The following FGF10 variants were observed in gnomAD, a reference collection of about 807,000 sequenced individuals.
FGF10 encodes fibroblast growth factor 10.
Under a neutral mutation model 19.8 loss-of-function variants are expected in FGF10, and 2 were observed. The observed-to-expected ratio is 0.10, with a 90% CI of 0.04 to 0.32. The LOEUF is 0.32. Ranked by LOEUF, FGF10 falls within the 10% of genes least tolerant of loss-of-function variation. The probability of loss-of-function intolerance (pLI) is 1.00; values close to 1 mark genes in which losing one functional copy is unlikely to be tolerated. For missense variants in FGF10, 191 were observed against 246.3 expected (o/e 0.78, Z 1.50); for synonymous variants, 112 against 94.0 (o/e 1.19, Z -1.10).
intron 1 of FGF10, among the ~76,000 whole-genome samples, chr5:44,359,468 G>A (rs1432640366): frequency 6.6e-6 from 1 of 151,470 alleles, no homozygotes; most frequent in Admixed American, 6.6e-5. Flanking sequence ...AGGAAAATGT[G>A]AATTAGATAA....
At chr5:44,371,784 C>G (rs1741747863) in intron 1 of FGF10, among the ~76,000 whole-genome samples, 1 of 152,070 alleles carries the variant, frequency 6.6e-6, no homozygotes, top group South Asian at 2.1e-4. Flanking sequence ...ATTTGAGGTT[C>G]CATTATAAGC....
intron 1 of FGF10, among the ~76,000 whole-genome samples, chr5:44,315,197 AC>A (rs1410800397): frequency 1.5e-4 from 22 of 142,182 alleles, no homozygotes; most frequent in East Asian, 6.3e-4. Flanking sequence ...AAAAAAAAAA[AC>A]CAGAAAGAAA....
At chr5:44,354,856 A>G (rs748206480) in intron 1 of FGF10, among the ~76,000 whole-genome samples, 4 of 151,518 alleles carry the variant, frequency 2.6e-5, no homozygotes, top group Non-Finnish European at 4.4e-5. Flanking sequence ...CAATTAGTGC[A>G]CAGTCCTGCC....
chr5:44,342,841 C>T (rs962689743), intron 1 of FGF10, among the ~76,000 whole-genome samples: 1 of 151,990 alleles, frequency 6.6e-6, no homozygotes, highest in African/African-American at 2.4e-5. Flanking sequence ...TAAGCCAATT[C>T]TAGCGGAGTA....
chr5:44,310,714 T>C (rs1284634901), intron 1 of FGF10, among the ~76,000 whole-genome samples, 184 bp from the exon 2 acceptor site: 1 of 152,128 alleles, frequency 6.6e-6, no homozygotes, highest in African/African-American at 2.4e-5. Flanking sequence ...CCGGCAAGTA[T>C]TTCCAGCAAA....
At chr5:44,354,742 C>T (rs190407390) in intron 1 of FGF10, among the ~76,000 whole-genome samples, 1 of 151,560 alleles carries the variant, frequency 6.6e-6, no homozygotes, top group African/African-American at 2.4e-5. Flanking sequence ...AGTTTTAATA[C>T]TAAATTTGTG....
chr5:44,335,843 A>G (rs1317208421), intron 1 of FGF10, among the ~76,000 whole-genome samples: 1 of 152,116 alleles, frequency 6.6e-6, no homozygotes, highest in African/African-American at 2.4e-5. Flanking sequence ...ACTCATATAA[A>G]CATTCATATT....
intron 2 of FGF10, among the ~76,000 whole-genome samples, chr5:44,309,682 G>A (rs1312189373): frequency 1.3e-5 from 2 of 151,986 alleles, no homozygotes; most frequent in African/African-American, 4.8e-5. Flanking sequence ...TATTACAATT[G>A]CAATTATAAA....
intron 1 of FGF10, among the ~76,000 whole-genome samples, chr5:44,364,236 G>A (rs779688831): frequency 6.6e-6 from 1 of 151,814 alleles, no homozygotes; most frequent in Non-Finnish European, 1.5e-5. Flanking sequence ...GACGTATTAA[G>A]AAAACGTATT....
intron 1 of FGF10, among the ~76,000 whole-genome samples, chr5:44,386,743 T>C (rs1742106021): frequency 6.6e-6 from 1 of 152,296 alleles, no homozygotes; most frequent in African/African-American, 2.4e-5. Context: ...AAAGCACCTC[T>C]ACACGTATTT....
At chr5:44,355,428 G>A (rs1241415113) in intron 1 of FGF10, among the ~76,000 whole-genome samples, 1 of 151,160 alleles carries the variant, frequency 6.6e-6, no homozygotes, top group Non-Finnish European at 1.5e-5. Context: ...GTCTCAAGTA[G>A]AACAGAGAGC....
At chr5:44,370,931 T>C (rs995384607) in intron 1 of FGF10, among the ~76,000 whole-genome samples, 1 of 152,086 alleles carries the variant, frequency 6.6e-6, no homozygotes, top group African/African-American at 2.4e-5. Flanking sequence ...AGATAGATGA[T>C]AAAAGATGTT....
chr5:44,379,906 A>G (rs992026805), intron 1 of FGF10, among the ~76,000 whole-genome samples: 4 of 152,168 alleles, frequency 2.6e-5, no homozygotes, highest in African/African-American at 9.7e-5. Flanking sequence ...CTTCTAAAAA[A>G]TTTCATTATG....
intron 1 of FGF10, among the ~76,000 whole-genome samples, chr5:44,367,737 C>T (rs767479342): frequency 1.3e-5 from 2 of 151,858 alleles, no homozygotes; most frequent in African/African-American, 4.8e-5. Flanking sequence ...ATTCTAAAAA[C>T]AGAACTGAAA....
chr5:44,357,546 C>A (rs939777119), intron 1 of FGF10, among the ~76,000 whole-genome samples: 2 of 151,314 alleles, frequency 1.3e-5, no homozygotes, highest in Admixed American at 1.3e-4. Flanking sequence ...AATTAGTATC[C>A]CTGTTTTACA....
chr5:44,312,262 C>T (rs1740229998), intron 1 of FGF10, among the ~76,000 whole-genome samples: 1 of 151,860 alleles, frequency 6.6e-6, no homozygotes, highest in Non-Finnish European at 1.5e-5. Context: ...TTAATTCACA[C>T]AATAGCCCTC....
chr5:44,319,973 A>T (rs923195401), intron 1 of FGF10, among the ~76,000 whole-genome samples: 8 of 152,298 alleles, frequency 5.3e-5, no homozygotes, highest in Admixed American at 5.2e-4. Flanking sequence ...GCTACTGCCC[A>T]TCAGTCGTTA....
intron 1 of FGF10, among the ~76,000 whole-genome samples, chr5:44,324,971 A>G (rs1740576923): frequency 6.6e-6 from 1 of 152,244 alleles, no homozygotes; most frequent in Non-Finnish European, 1.5e-5. Flanking sequence ...AATGTAGATT[A>G]TTCCTTGGTA....
intron 2 of FGF10, among the ~76,000 whole-genome samples, chr5:44,309,590 A>C (rs1187773549): frequency 1.3e-5 from 2 of 152,148 alleles, no homozygotes; most frequent in African/African-American, 4.8e-5. Flanking sequence ...GGCATATAGT[A>C]GATGTTGATA....
Sources: allele counts gnomAD v4.1 joint callset (sites outside exome capture counted in the v4.1 genomes callset), GRCh38; gene constraint gnomAD v4.1.1; transcripts MANE v1.5; gene names NCBI Gene and HGNC (gene_info 2026-07-23, HGNC 2026-07-21).